AP3S1: variants seen among roughly 807,000 people sequenced by gnomAD.
AP3S1 encodes the protein adaptor related protein complex 3 subunit sigma 1, also known as AP-3 complex subunit sigma-1.
AP3S1 carries 12 observed loss-of-function variants against 21.3 expected under a neutral mutation model. The ratio of observed to expected loss-of-function variants is 0.56; its 90% CI spans 0.36 to 0.91. The LOEUF is 0.91. AP3S1 is among the 40% of genes least tolerant of loss of function. The pLI is 0.01. For missense variants in AP3S1, 116 were observed against 225.0 expected (o/e 0.52, Z 3.10); for synonymous variants, 48 against 78.4 (o/e 0.61, Z 2.05).
chr5:115,843,000 A>AAGAG (rs2112751640), intron 1 of AP3S1, among the ~76,000 whole-genome samples: 2 of 152,290 alleles, frequency 1.3e-5, no homozygotes, highest in East Asian at 3.9e-4. Context: ...TTAACGTGTA[A>AAGAG]ATACTGTTTA....
At chr5:115,868,966 G>A (rs1165792689) in intron 2 of AP3S1, among the ~76,000 whole-genome samples, 1 of 123,796 alleles carries the variant, frequency 8.1e-6, no homozygotes, top group African/African-American at 2.9e-5. Flanking sequence ...AGGGAGGGAG[G>A]GAGGGAGGGA....
intron 4 of AP3S1, chr5:115,898,754 A>G (rs986925253): frequency 5.2e-5 from 8 of 152,400 alleles, no homozygotes; most frequent in South Asian, 2.1e-4. Flanking sequence ...ACACACATCA[A>G]AAATGGAGTC....
intron 1 of AP3S1, among the ~76,000 whole-genome samples, chr5:115,856,192 A>C (rs1384091070): frequency 6.6e-6 from 1 of 152,158 alleles, no homozygotes; most frequent in East Asian, 1.9e-4. Flanking sequence ...TAGGCTCCTT[A>C]ATGAAAGCTG....
intron 3 of AP3S1, among the ~76,000 whole-genome samples, chr5:115,882,627 T>C (rs1402584697): frequency 6.6e-6 from 1 of 152,158 alleles, no homozygotes; most frequent in African/African-American, 2.4e-5. Context: ...CTGTATGAGA[T>C]GTCTGTTGAC....
At chr5:115,898,029 T>C (rs991184312) in intron 4 of AP3S1, among the ~76,000 whole-genome samples, 13 of 152,238 alleles carry the variant, frequency 8.5e-5, no homozygotes, top group African/African-American at 3.1e-4. Flanking sequence ...ATGGAAATGT[T>C]AGCCACTTAA....
chr5:115,881,086 T>C (rs1202124446), intron 3 of AP3S1, among the ~76,000 whole-genome samples: 1 of 152,180 alleles, frequency 6.6e-6, no homozygotes, highest in Non-Finnish European at 1.5e-5. Flanking sequence ...TTTGAGCCTG[T>C]GTGTGTCTTT....
intron 3 of AP3S1, among the ~76,000 whole-genome samples, chr5:115,891,529 T>C (rs528911018): frequency 6.6e-6 from 1 of 152,200 alleles, no homozygotes; most frequent in Admixed American, 6.5e-5. Flanking sequence ...CTCAGAGCAC[T>C]TTACAGAACT....
intron 5 of AP3S1, among the ~76,000 whole-genome samples, chr5:115,911,240 A>G (rs1341161106): frequency 1.3e-5 from 2 of 151,984 alleles, no homozygotes; most frequent in Non-Finnish European, 2.9e-5. Flanking sequence ...ACAGGATATT[A>G]TGGAAAAGAG....
At chr5:115,897,142 A>AT (rs1380493197) in intron 4 of AP3S1, among the ~76,000 whole-genome samples, 1 of 152,242 alleles carries the variant, frequency 6.6e-6, no homozygotes, top group African/African-American at 2.4e-5. Context: ...CCTAGTGTTA[A>AT]CATTTTAGAA....
At position 115,853,751 on chromosome 5, in the gene AP3S1, A is replaced by G. The variant is rs548764675; in HGVS notation, c.69+11645A>G. Among the ~76,000 whole-genome samples the G allele has an allele frequency of 2.6e-4, 40 of 152,240 alleles. 1 individual carries two copies. Among genetic ancestry groups the G allele is most frequent in the Admixed American group, 1.7e-3 (26 of 15,286 alleles). On this transcript the variant is annotated intron_variant, in intron 1 of 5. Transcript: ENST00000316788. ...TGAATTGCCTTGGTACTTTACTCCAAGGTTTCCTCCCAGATTTTATCTTGT... is the reference window on the plus strand; with the variant it reads ...TGAATTGCCTTGGTACTTTACTCCAGGGTTTCCTCCCAGATTTTATCTTGT...
chr5:115,898,487 C>T (rs946980974), intron 4 of AP3S1, among the ~76,000 whole-genome samples: 22 of 152,138 alleles, frequency 1.4e-4, no homozygotes, highest in Non-Finnish European at 2.9e-4. Context: ...TCACAGGTGC[C>T]CCAAGAGGAT....
Position 115,852,911 on chromosome 5 carries a change from T to A in AP3S1, c.69+10805T>A, listed in dbSNP as rs1401811389. 1.5e-5 allele frequency: 6 copies of A among 388,970 alleles called. No homozygotes were observed. In the Admixed American group the frequency reaches 1.8e-4, roughly 11 times the overall value. The allele number at this position is 388,970 out of a possible 1,614,324, so 24.1% of individuals were successfully genotyped here. A position where few individuals can be genotyped will look rare whatever the true frequency, so the allele number is the denominator to read the frequency against. On this transcript the variant is annotated intron_variant, in intron 1 of 5. Transcript: ENST00000316788. ...TGGGTTGTTTCCACTTTTTGGTTAC[T>A]ATGAATAATGGTGCTATGAACATTC...
At chr5:115,849,147 A>G (rs902544356) in intron 1 of AP3S1, among the ~76,000 whole-genome samples, 1 of 152,230 alleles carries the variant, frequency 6.6e-6, no homozygotes, top group Non-Finnish European at 1.5e-5. Context: ...ATACAGTGAT[A>G]AGTAAGACGG....
intron 1 of AP3S1, among the ~76,000 whole-genome samples, chr5:115,865,478 A>T (rs750262049): frequency 6.6e-6 from 1 of 152,128 alleles, no homozygotes; most frequent in African/African-American, 2.4e-5. Context: ...AACTGGTTTC[A>T]TATGGTTTAG....
At chr5:115,900,819 A>C (rs1193061634) in intron 4 of AP3S1, among the ~76,000 whole-genome samples, 1 of 152,154 alleles carries the variant, frequency 6.6e-6, no homozygotes, top group African/African-American at 2.4e-5. Flanking sequence ...GTATACACGC[A>C]CAGCTGTTTC....
At chr5:115,857,611 T>A (rs1403197268) in intron 1 of AP3S1, among the ~76,000 whole-genome samples, 1 of 152,236 alleles carries the variant, frequency 6.6e-6, no homozygotes, top group Non-Finnish European at 1.5e-5. Context: ...AAAATAACAT[T>A]TCATTTCTCC....
intron 1 of AP3S1, among the ~76,000 whole-genome samples, chr5:115,851,107 G>A (rs554639358): frequency 3.9e-5 from 6 of 152,302 alleles, no homozygotes; most frequent in African/African-American, 1.2e-4. Context: ...TAGCTCAAAG[G>A]AGAGAAGTAG....
chr5:115,857,000 A>T (rs775471585), intron 1 of AP3S1, among the ~76,000 whole-genome samples: 13 of 151,988 alleles, frequency 8.6e-5, no homozygotes, highest in Non-Finnish European at 1.8e-4. Context: ...GCTGGTAACC[A>T]CCGCTACTGA....
chr5:115,895,367 G>A (rs1467724217), intron 4 of AP3S1, among the ~76,000 whole-genome samples: 1 of 151,966 alleles, frequency 6.6e-6, no homozygotes, highest in African/African-American at 2.4e-5. Context: ...TGGAAACAAC[G>A]GCATTAACAA....
Sources: allele counts gnomAD v4.1 joint callset (sites outside exome capture counted in the v4.1 genomes callset), GRCh38; gene constraint gnomAD v4.1.1; transcripts MANE v1.5; gene names NCBI Gene and HGNC (gene_info 2026-07-23, HGNC 2026-07-21).